Variants in MSRA observed in about 807,000 individuals in gnomAD.
The protein encoded by MSRA is methionine sulfoxide reductase A.
MSRA carries 54 observed loss-of-function variants against 31.3 expected under a neutral mutation model. The ratio of observed to expected loss-of-function variants is 1.73; its 90% CI spans 1.39 to 2.17. MSRA has a LOEUF of 2.17. Among genes scored for constraint, MSRA ranks in the 30% most tolerant of loss-of-function variants. The probability of loss-of-function intolerance (pLI) is 0.00; values close to 1 mark genes in which losing one functional copy is unlikely to be tolerated. For synonymous variants in MSRA, 169 were observed against 116.5 expected (o/e 1.45, Z -2.90); for missense variants, 507 against 300.9 (o/e 1.69, Z -5.07).
intron 3 of MSRA, among the ~76,000 whole-genome samples, chr8:10,280,180 A>G (rs1205144903): frequency 6.6e-6 from 1 of 151,254 alleles, no homozygotes; most frequent in Non-Finnish European, 1.5e-5. Flanking sequence ...GATATAATTT[A>G]TTTGTGCTTT....
intron 3 of MSRA, among the ~76,000 whole-genome samples, chr8:10,274,058 C>T (rs930761407): frequency 2.6e-5 from 4 of 152,122 alleles, no homozygotes; most frequent in Non-Finnish European, 4.4e-5. Flanking sequence ...GTCCCTCCGG[C>T]GCCCTCTACT....
chr8:10,210,229 A>G (rs937552397), intron 2 of MSRA, among the ~76,000 whole-genome samples: 3 of 152,118 alleles, frequency 2.0e-5, no homozygotes, highest in Non-Finnish European at 4.4e-5. Context: ...TCCTCTTCCT[A>G]GCGAGGCCAT....
At chr8:10,201,127 G>A (rs1808462038) in intron 1 of MSRA, among the ~76,000 whole-genome samples, 1 of 152,092 alleles carries the variant, frequency 6.6e-6, no homozygotes, top group Admixed American at 6.5e-5. Context: ...TTGGGGTGTT[G>A]ACAGATTTTT....
intron 1 of MSRA, among the ~76,000 whole-genome samples, chr8:10,102,761 A>C (rs1799621609): frequency 6.6e-6 from 1 of 152,134 alleles, no homozygotes; most frequent in African/African-American, 2.4e-5. Flanking sequence ...TAGCAGGGGA[A>C]AGGGGGGCAC....
At chr8:10,410,153 T>C (rs1054324048) in intron 5 of MSRA, among the ~76,000 whole-genome samples, 3 of 152,250 alleles carry the variant, frequency 2.0e-5, no homozygotes, top group African/African-American at 4.8e-5. Flanking sequence ...GGTCTTCCCA[T>C]GGTCCCATCC....
intron 1 of MSRA, among the ~76,000 whole-genome samples, chr8:10,125,451 A>G (rs1801430650): frequency 2.0e-5 from 3 of 152,224 alleles, no homozygotes; most frequent in Admixed American, 2.0e-4. Flanking sequence ...CTCAGGAGTG[A>G]GAATCACCTG....
At chr8:10,370,400 CA>C (rs1338325047) in intron 5 of MSRA, among the ~76,000 whole-genome samples, 1 of 152,084 alleles carries the variant, frequency 6.6e-6, no homozygotes, top group Non-Finnish European at 1.5e-5. Context: ...TACGGGCGGC[CA>C]GTGAAGAAAT....
At chr8:10,202,332 G>T (rs1364378089) in intron 1 of MSRA, among the ~76,000 whole-genome samples, 1 of 152,186 alleles carries the variant, frequency 6.6e-6, no homozygotes, top group Non-Finnish European at 1.5e-5. Context: ...TAAAGAACTT[G>T]CTATTTTCCC....
intron 3 of MSRA, among the ~76,000 whole-genome samples, chr8:10,295,367 G>A (rs1055224748): frequency 2.6e-5 from 4 of 151,930 alleles, no homozygotes; most frequent in South Asian, 2.1e-4. Context: ...AAGCCTCTCC[G>A]GAAGGCACAG....
At chr8:10,096,366 T>C (rs1799156016) in intron 1 of MSRA, 1 of 980,808 alleles carries the variant, frequency 1.0e-6, no homozygotes, top group African/African-American at 1.7e-5. Context: ...TGAACCATTT[T>C]TGGGAGGTGG....
At chr8:10,391,603 A>T (rs1346853637) in intron 5 of MSRA, among the ~76,000 whole-genome samples, 2 of 152,378 alleles carry the variant, frequency 1.3e-5, no homozygotes, top group Non-Finnish European at 2.9e-5. Flanking sequence ...GTCAGGTGAC[A>T]AGATGAGGAT....
At chr8:10,178,691 G>C (rs1215824356) in intron 1 of MSRA, among the ~76,000 whole-genome samples, 1 of 152,154 alleles carries the variant, frequency 6.6e-6, no homozygotes, top group Non-Finnish European at 1.5e-5. Flanking sequence ...TGTTTCTTCA[G>C]TTGAAATTCA....
intron 1 of MSRA, among the ~76,000 whole-genome samples, chr8:10,073,980 G>T (rs530700733): frequency 6.8e-6 from 1 of 147,490 alleles, no homozygotes; most frequent in East Asian, 2.0e-4. Flanking sequence ...AGGGATCTAG[G>T]GGAGTGTTGC....
At chr8:10,167,353 A>T (rs1355242645) in intron 1 of MSRA, among the ~76,000 whole-genome samples, 1 of 152,218 alleles carries the variant, frequency 6.6e-6, no homozygotes, top group African/African-American at 2.4e-5. Context: ...CTTGGGAATG[A>T]AGTATTCAAT....
At chr8:10,056,744 A>T (rs1425517902) in intron 1 of MSRA, among the ~76,000 whole-genome samples, 1 of 152,138 alleles carries the variant, frequency 6.6e-6, no homozygotes, top group Admixed American at 6.5e-5. Context: ...CTTGAAACTT[A>T]AGGATTTAGT....
intron 3 of MSRA, among the ~76,000 whole-genome samples, chr8:10,285,026 T>A (rs200981077): frequency 4.8e-5 from 7 of 144,838 alleles, no homozygotes; most frequent in South Asian, 2.2e-4. Context: ...TTTTTTTCTT[T>A]AAAAAAAAAA....
At chr8:10,092,872 T>A (rs1357045656) in intron 1 of MSRA, among the ~76,000 whole-genome samples, 1 of 152,232 alleles carries the variant, frequency 6.6e-6, no homozygotes, top group African/African-American at 2.4e-5. Flanking sequence ...GGGGCTCTGT[T>A]CTTATGTATG....
At chr8:10,385,055 G>T (rs1241735337) in intron 5 of MSRA, among the ~76,000 whole-genome samples, 1 of 152,168 alleles carries the variant, frequency 6.6e-6, no homozygotes, top group Non-Finnish European at 1.5e-5. Flanking sequence ...ATAGGGTGTT[G>T]CAGTGGGGAA....
chr8:10,279,313 G>C (rs1480268201), intron 3 of MSRA, among the ~76,000 whole-genome samples: 1 of 152,164 alleles, frequency 6.6e-6, no homozygotes, highest in Non-Finnish European at 1.5e-5. Context: ...CATATGTAAT[G>C]GGTGAAAATA....
Sources: allele counts gnomAD v4.1 joint callset (sites outside exome capture counted in the v4.1 genomes callset), GRCh38; gene constraint gnomAD v4.1.1; transcripts MANE v1.5; gene names NCBI Gene and HGNC (gene_info 2026-07-23, HGNC 2026-07-21).